Variants in ZFHX3 observed in about 807,000 individuals in gnomAD.
The protein encoded by ZFHX3 is zinc finger homeobox 3.
In ZFHX3, 42 loss-of-function variants were observed where a neutral mutation model predicts 279.1. That is an observed-to-expected ratio of 0.15 (90% confidence interval 0.12 to 0.19). ZFHX3 has a LOEUF of 0.19. Among genes scored for constraint, ZFHX3 ranks in the 10% least tolerant of loss-of-function variants. The pLI is 1.00. For missense variants in ZFHX3, 4,981 were observed against 4,754.0 expected (o/e 1.05, Z -1.40); for synonymous variants, 2,293 against 1,957.8 (o/e 1.17, Z -4.52).
At chr16:73,872,256 T>C (rs1022919119) in intron 1 of ZFHX3, among the ~76,000 whole-genome samples, 3 of 152,124 alleles carry the variant, frequency 2.0e-5, no homozygotes, top group Non-Finnish European at 4.4e-5. Context: ...TTTTTTTTTT[T>C]TCTTTGAGAC....
At chr16:72,869,079 T>C (rs993279176) in intron 4 of ZFHX3, among the ~76,000 whole-genome samples, 14 of 152,358 alleles carry the variant, frequency 9.2e-5, no homozygotes, top group Non-Finnish European at 1.9e-4. Context: ...TTCTCATTCA[T>C]TTCCTTCAGA....
chr16:73,853,999 G>C (rs1284355779), intron 1 of ZFHX3, among the ~76,000 whole-genome samples: 1 of 152,158 alleles, frequency 6.6e-6, no homozygotes, highest in East Asian at 1.9e-4. Flanking sequence ...TGATACTGAA[G>C]GTTAGACTCT....
At chr16:73,707,522 T>G (rs1035882792) in intron 1 of ZFHX3, among the ~76,000 whole-genome samples, 1 of 135,174 alleles carries the variant, frequency 7.4e-6, no homozygotes, top group Non-Finnish European at 1.5e-5. Context: ...TTCTCACTCA[T>G]AGGTGGGAAC....
At chr16:72,970,521 G>A (rs1238791692) in intron 1 of ZFHX3, among the ~76,000 whole-genome samples, 2 of 152,086 alleles carry the variant, frequency 1.3e-5, no homozygotes, top group Non-Finnish European at 2.9e-5. Context: ...CATAGAGCAC[G>A]GATCCCCTCC....
chr16:73,218,992 C>T (rs1002126511), intron 5 of ZFHX3, among the ~76,000 whole-genome samples: 1 of 152,166 alleles, frequency 6.6e-6, no homozygotes, highest in Admixed American at 6.5e-5. Flanking sequence ...AATCAACTCT[C>T]TGAATCTATG....
rs910061208 is a variant in ZFHX3, at chr16:73,191,300, C to G, written c.-1103-47469G>C. Among the ~76,000 whole-genome samples the G allele has an allele frequency of 2.6e-5, 4 of 152,134 alleles. No individual in the cohort carries two copies. In the East Asian group the frequency reaches 7.7e-4, roughly 29 times the overall value. ...GTCTGTGTTGAACGTTCCGTGGCTC[C>G]CCCCGGCCGCCCCAGCACAGGTCTG... is the stretch of plus-strand genomic sequence containing the variant. On this transcript the variant is annotated intron_variant, in intron 5 of 17. Coordinates refer to the ZFHX3 transcript ENST00000641206.
At chr16:73,566,875 T>A (rs2020459016) in intron 2 of ZFHX3, among the ~76,000 whole-genome samples, 1 of 152,108 alleles carries the variant, frequency 6.6e-6, no homozygotes, top group South Asian at 2.1e-4. Context: ...ATTTTTGTAT[T>A]TTTAGTAGAC....
At chr16:73,372,510 G>T (rs2016648579) in intron 3 of ZFHX3, among the ~76,000 whole-genome samples, 1 of 152,194 alleles carries the variant, frequency 6.6e-6, no homozygotes, top group South Asian at 2.1e-4. Context: ...TTATTTGCAA[G>T]ACTTTATTTA....
chr16:73,351,585 G>A (rs544229473), intron 3 of ZFHX3, among the ~76,000 whole-genome samples: 4 of 152,322 alleles, frequency 2.6e-5, no homozygotes, highest in South Asian at 2.1e-4. Context: ...GCACAGCTCC[G>A]TCTTAAGTGG....
intron 2 of ZFHX3, among the ~76,000 whole-genome samples, chr16:73,638,713 G>C (rs1201730770): frequency 6.6e-6 from 1 of 152,116 alleles, no homozygotes; most frequent in Non-Finnish European, 1.5e-5. Context: ...TTGAGAGCAG[G>C]GTCAAGCATT....
At chr16:73,283,887 C>T (rs1310065531) in intron 4 of ZFHX3, among the ~76,000 whole-genome samples, 2 of 152,066 alleles carry the variant, frequency 1.3e-5, no homozygotes, top group Non-Finnish European at 2.9e-5. Context: ...AGTTCGAATT[C>T]GCAATGAGAT....
chr16:73,425,105 T>C (rs181982399), intron 3 of ZFHX3, among the ~76,000 whole-genome samples: 1 of 152,280 alleles, frequency 6.6e-6, no homozygotes, highest in East Asian at 1.9e-4. Context: ...CCTAATATAG[T>C]GCTTTCCAAT....
intron 1 of ZFHX3, among the ~76,000 whole-genome samples, chr16:73,010,514 G>A (rs1302094849): frequency 6.6e-6 from 1 of 152,230 alleles, no homozygotes; most frequent in Admixed American, 6.5e-5. Context: ...GCATTAAAGC[G>A]AAAATGCTGC....
In ZFHX3 at chr16:72,816,451, T is replaced by C. The variant is rs113648517; in HGVS notation, c.3530-4413A>G. 9.5e-3 allele frequency among the ~76,000 whole-genome samples: 1,447 copies of C among 152,316 alleles called. 13 individuals carry two copies. The highest frequency in any genetic ancestry group is 0.054 in the Middle Eastern group (16 of 294). On this transcript the variant is annotated intron_variant, in intron 5 of 9. Transcript: ENST00000268489. ...TCTATAAAGCTAGGTAAATGGGATA[T>C]TGTGACAACGAAATGCTGGGTCAAA...
At chr16:72,917,420 AAG>A (rs1320566857) in intron 3 of ZFHX3, among the ~76,000 whole-genome samples, 13 of 152,252 alleles carry the variant, frequency 8.5e-5, no homozygotes, top group Admixed American at 8.5e-4. Context: ...TTGATAGAGA[AAG>A]AGCTATTTTA....
intron 2 of ZFHX3, among the ~76,000 whole-genome samples, chr16:73,573,091 G>A (rs1371424549): frequency 6.6e-6 from 1 of 152,114 alleles, no homozygotes; most frequent in Non-Finnish European, 1.5e-5. Flanking sequence ...CAACACACCT[G>A]AGCCCAAGAT....
chr16:73,661,630 G>C (rs751399924), intron 2 of ZFHX3, among the ~76,000 whole-genome samples: 1 of 151,316 alleles, frequency 6.6e-6, no homozygotes, highest in Non-Finnish European at 1.5e-5. Flanking sequence ...GCTGAGGCAG[G>C]AGAATCACTT....
intron 1 of ZFHX3, among the ~76,000 whole-genome samples, chr16:73,754,782 C>A (rs1469467600): frequency 1.3e-5 from 2 of 152,028 alleles, no homozygotes; most frequent in African/African-American, 4.8e-5. Context: ...AGATTAATGA[C>A]AGAGGGTTTT....
chr16:73,781,546 T>C (rs78660085), intron 1 of ZFHX3, among the ~76,000 whole-genome samples: 8 of 152,308 alleles, frequency 5.3e-5, no homozygotes, highest in Non-Finnish European at 1.2e-4. Flanking sequence ...AATTGAGTCA[T>C]TACAACACAG....
Sources: allele counts gnomAD v4.1 joint callset (sites outside exome capture counted in the v4.1 genomes callset), GRCh38; gene constraint gnomAD v4.1.1; transcripts MANE v1.5; gene names NCBI Gene and HGNC (gene_info 2026-07-23, HGNC 2026-07-21).